The following RNFT2 variants were observed in gnomAD, a reference collection of about 807,000 sequenced individuals.
The protein encoded by RNFT2 is E3 ubiquitin-protein ligase RNFT2.
A neutral mutation model predicts 53.0 loss-of-function variants in RNFT2; 36 were observed. The observed-to-expected ratio is 0.68, with a 90% CI of 0.52 to 0.90. RNFT2 has a LOEUF of 0.90. Ranked by LOEUF, RNFT2 falls within the 40% of genes least tolerant of loss-of-function variation. The pLI, the probability that RNFT2 is intolerant of heterozygous loss-of-function variation, is 0.00. For missense variants in RNFT2, 514 were observed against 585.6 expected (o/e 0.88, Z 1.26); for synonymous variants, 260 against 253.2 (o/e 1.03, Z -0.26).
At chr12:116,802,078 T>G (rs1762502807) in intron 7 of RNFT2, among the ~76,000 whole-genome samples, 1 of 152,212 alleles carries the variant, frequency 6.6e-6, no homozygotes, top group South Asian at 2.1e-4. Context: ...TGCCTTGGCC[T>G]CCCAAAGTGG....
In RNFT2 at chr12:116,750,176, A is replaced by C; in HGVS notation, c.419A>C (p.Glu140Ala). 2 of 1,596,516 alleles carry C rather than the reference A, an allele frequency of 1.3e-6. No homozygotes were observed. Among genetic ancestry groups the C allele is most frequent in the Non-Finnish European group, 1.7e-6 (2 of 1,176,172 alleles). The change falls in exon 4 of 11, where the codon GAG becomes GCG. Residue 140 changes from glutamate (E) to alanine (A), a missense_variant. Physicochemically the swap from Glu to Ala is moderately radical, Grantham distance 107. This residue lies in a region of RNFT2 where 237 missense variants were observed against 235.1 expected (regional missense o/e 1.01). Coordinates refer to ENST00000257575, the MANE Select transcript of RNFT2 (RefSeq NM_001382266.1). Reference protein sequence around the residue: ...VGGDHRGHSEEGGDEQPGTPA... With the variant: ...VGGDHRGHSEAGGDEQPGTPA... The stretch of plus-strand genomic sequence containing the variant: ...GGGGACCACCGGGGGCACTCGGAGG[A>C]GGGAGGCGACGAGCAGCCTGGGACG...
At chr12:116,743,773 G>A (rs1871761065) in intron 3 of RNFT2, among the ~76,000 whole-genome samples, 1 of 152,118 alleles carries the variant, frequency 6.6e-6, no homozygotes, top group Non-Finnish European at 1.5e-5. Context: ...TCCCAGCACT[G>A]GGACTGAGTT....
In RNFT2 at chr12:116,748,311, G is replaced by A. The variant is rs577550642; in HGVS notation, c.84-1530G>A. 2.8e-4 allele frequency among the ~76,000 whole-genome samples: 42 copies of A among 152,254 alleles called. No individual in the cohort carries two copies. In the East Asian group the frequency reaches 5.8e-3, roughly 21 times the overall value. The stretch of plus-strand genomic sequence containing the variant: ...TCTCCATTCCTGCAGGCCTAACTCC[G>A]GGCTCTCTGCTCCGCCAGCAGTGGC... On this transcript the variant is annotated intron_variant, in intron 3 of 10. Coordinates refer to ENST00000257575, the MANE Select transcript of RNFT2 (RefSeq NM_001382266.1).
At chr12:116,764,036 T>G (rs1019415995) in intron 5 of RNFT2, among the ~76,000 whole-genome samples, 10 of 152,186 alleles carry the variant, frequency 6.6e-5, no homozygotes, top group African/African-American at 2.4e-4. Flanking sequence ...AGGAATGAAT[T>G]AATGGAATTC....
rs199580893 is a variant in RNFT2 at position 116,851,863 on chromosome 12, C to T, written c.*2415C>T. ...TGGTCTCCTGTCTTTATGTCTTTCT[C>T]CTCTTCCTATTCTGTCATCTCCCTC... is the stretch of plus-strand genomic sequence containing the variant. On this transcript the variant is annotated 3_prime_UTR_variant, in exon 11 of 11. Coordinates refer to ENST00000257575, the MANE Select transcript of RNFT2 (RefSeq NM_001382266.1). 3,178 of 1,525,448 alleles carry T rather than the reference C, an allele frequency of 2.1e-3. 4 individuals carry two copies. The highest frequency in any genetic ancestry group is 2.5e-3 in the Non-Finnish European group (2,877 of 1,136,970). The allele number at this position is 1,525,448 out of a possible 1,614,324, so 94.5% of individuals were successfully genotyped here. A position where few individuals can be genotyped will look rare whatever the true frequency, so the allele number is the denominator to read the frequency against.
intron 7 of RNFT2, among the ~76,000 whole-genome samples, chr12:116,832,148 A>AAAAT (rs1555209702): frequency 1.5e-4 from 8 of 55,172 alleles, no homozygotes; most frequent in Admixed American, 2.7e-4. Flanking sequence ...AAAAAAAAAA[A>AAAAT]ATATATATAT....
intron 5 of RNFT2, among the ~76,000 whole-genome samples, chr12:116,756,460 T>C (rs1044521345): frequency 6.6e-6 from 1 of 152,192 alleles, no homozygotes; most frequent in Admixed American, 6.6e-5. Flanking sequence ...ATATTGGCTG[T>C]GGGTTTATCA....
intron 7 of RNFT2, among the ~76,000 whole-genome samples, chr12:116,808,786 C>T (rs1344376704): frequency 6.6e-6 from 1 of 152,188 alleles, no homozygotes; most frequent in South Asian, 2.1e-4. Context: ...AGGCCTCCTC[C>T]TGGGGAAATT....
At chr12:116,819,189 A>G (rs928518930) in intron 7 of RNFT2, among the ~76,000 whole-genome samples, 3 of 152,218 alleles carry the variant, frequency 2.0e-5, no homozygotes, top group Non-Finnish European at 2.9e-5. Flanking sequence ...TCCCTGCTGG[A>G]CAAGGGGTCT....
intron 7 of RNFT2, among the ~76,000 whole-genome samples, chr12:116,789,705 G>T (rs936504539): frequency 6.8e-6 from 1 of 146,620 alleles, no homozygotes; most frequent in Admixed American, 6.9e-5. Context: ...TGGGTGGATG[G>T]ATAAATGGGA....
intron 3 of RNFT2, among the ~76,000 whole-genome samples, chr12:116,745,542 T>A (rs1871855860): frequency 6.6e-6 from 1 of 152,154 alleles, no homozygotes; most frequent in African/African-American, 2.4e-5. Context: ...ATTATAGGCA[T>A]GAGCCACCAT....
At chr12:116,768,409 C>G (rs1034663446) in intron 6 of RNFT2, among the ~76,000 whole-genome samples, 1 of 152,046 alleles carries the variant, frequency 6.6e-6, no homozygotes, top group African/African-American at 2.4e-5. Flanking sequence ...CCCAGTTTGG[C>G]CTTTTATATT....
chr12:116,819,781 C>T (rs1875911408), intron 7 of RNFT2, among the ~76,000 whole-genome samples: 1 of 152,114 alleles, frequency 6.6e-6, no homozygotes. Flanking sequence ...CTGTGGAGTG[C>T]CCTAATTATA....
intron 7 of RNFT2, among the ~76,000 whole-genome samples, chr12:116,832,349 G>A (rs760630700): frequency 1.2e-4 from 18 of 151,746 alleles, no homozygotes; most frequent in Non-Finnish European, 1.9e-4. Flanking sequence ...TCTTTGATTC[G>A]ACATAATGTT....
chr12:116,841,826 T>A (rs1172164397), intron 10 of RNFT2, among the ~76,000 whole-genome samples: 12 of 29,812 alleles, frequency 4.0e-4, no homozygotes, highest in African/African-American at 1.9e-3. Flanking sequence ...TAAAAATATA[T>A]ATATATAAAT....
chr12:116,813,893 A>G (rs1445191081), intron 7 of RNFT2, among the ~76,000 whole-genome samples: 1 of 152,202 alleles, frequency 6.6e-6, no homozygotes, highest in East Asian at 1.9e-4. Context: ...TCTAAGCCTC[A>G]GTGTTCTTCC....
chr12:116,827,052 TC>T (rs2137191277), intron 7 of RNFT2, among the ~76,000 whole-genome samples: 1 of 151,948 alleles, frequency 6.6e-6, no homozygotes, highest in African/African-American at 2.4e-5. Flanking sequence ...AAACCCTGTC[TC>T]TACTAAAATA....
intron 6 of RNFT2, among the ~76,000 whole-genome samples, chr12:116,771,460 TAAAAAAAAAAAAAAAAAA>T (rs35911608): frequency 4.7e-5 from 3 of 64,122 alleles, no homozygotes; most frequent in African/African-American, 1.8e-4. Context: ...ATCCTATCGT[TAAAAAAAAAAAAAAAAAA>T]AAAAAAAAAA....
intron 10 of RNFT2, 49 bp from the exon 11 acceptor site, chr12:116,849,265 C>T: frequency 1.4e-6 from 2 of 1,448,692 alleles, no homozygotes; most frequent in Non-Finnish European, 9.3e-7. Flanking sequence ...GAGACCGAGG[C>T]AGACGCTCAG....
Sources: allele counts gnomAD v4.1 joint callset (sites outside exome capture counted in the v4.1 genomes callset), GRCh38; gene constraint gnomAD v4.1.1; regional missense constraint gnomAD v4.1.1; transcripts MANE v1.5; gene names NCBI Gene and HGNC (gene_info 2026-07-23, HGNC 2026-07-21).